CLEC16A: variants seen among roughly 807,000 people sequenced by gnomAD.
CLEC16A encodes the protein C-type lectin domain containing 16A, also known as protein CLEC16A.
CLEC16A carries 51 observed loss-of-function variants against 109.5 expected under a neutral mutation model. That is an observed-to-expected ratio of 0.47 (90% confidence interval 0.37 to 0.59). The LOEUF is 0.59. Ranked by LOEUF, CLEC16A falls within the 20% of genes least tolerant of loss-of-function variation. The pLI is 0.00. For synonymous variants in CLEC16A, 673 were observed against 564.2 expected (o/e 1.19, Z -2.73); for missense variants, 1,339 against 1,394.0 (o/e 0.96, Z 0.63).
chr16:11,106,892 C>G (rs1567326433), intron 19 of CLEC16A, among the ~76,000 whole-genome samples: 2 of 152,196 alleles, frequency 1.3e-5, no homozygotes, highest in Admixed American at 1.3e-4. Context: ...CACTCAACTC[C>G]AGGCACTTGG....
chr16:11,132,217 G>C (rs2053253100), intron 22 of CLEC16A, among the ~76,000 whole-genome samples: 1 of 144,292 alleles, frequency 6.9e-6, no homozygotes, highest in Admixed American at 6.9e-5. Context: ...TAGCCATTAA[G>C]TAGTCATCGC....
chr16:11,052,994 A>G (rs1426873118), intron 18 of CLEC16A, among the ~76,000 whole-genome samples: 1 of 152,094 alleles, frequency 6.6e-6, no homozygotes, highest in Admixed American at 6.5e-5. Context: ...CCTGGGCTCC[A>G]GCCATCCTCC....
At chr16:11,033,463 G>A (rs1488518470) in intron 13 of CLEC16A, among the ~76,000 whole-genome samples, 1 of 152,208 alleles carries the variant, frequency 6.6e-6, no homozygotes, top group Non-Finnish European at 1.5e-5. Flanking sequence ...GCCTGGGGAA[G>A]CTGCCTCGTG....
At chr16:11,155,386 C>T (rs1366783232) in intron 22 of CLEC16A, among the ~76,000 whole-genome samples, 3 of 152,216 alleles carry the variant, frequency 2.0e-5, no homozygotes, top group Non-Finnish European at 2.9e-5. Flanking sequence ...TCCTCACCAC[C>T]GTATCCTGTA....
At chr16:11,103,043 A>G (rs919015368) in intron 19 of CLEC16A, among the ~76,000 whole-genome samples, 3 of 152,230 alleles carry the variant, frequency 2.0e-5, no homozygotes, top group African/African-American at 7.2e-5. Context: ...ACTCAGGGAC[A>G]GACACAGAGG....
chr16:11,165,048 G>A (rs1019214707), intron 22 of CLEC16A, among the ~76,000 whole-genome samples: 60 of 152,096 alleles, frequency 3.9e-4, no homozygotes, highest in African/African-American at 1.1e-3. Flanking sequence ...TATCTCCACC[G>A]CAATTTGGGG....
chr16:11,135,605 G>C (rs1280048336), intron 22 of CLEC16A, among the ~76,000 whole-genome samples: 3 of 152,212 alleles, frequency 2.0e-5, no homozygotes, highest in African/African-American at 7.2e-5. Context: ...GTATGCCCGG[G>C]AGCCTTCTGG....
chr16:10,978,518 T>C (rs2146583210), intron 8 of CLEC16A, among the ~76,000 whole-genome samples: 1 of 152,316 alleles, frequency 6.6e-6, no homozygotes, highest in South Asian at 2.1e-4. Context: ...GTGATACGCC[T>C]GCCTCGGCCT....
intron 22 of CLEC16A, among the ~76,000 whole-genome samples, chr16:11,156,351 CAG>C (rs1158192141): frequency 2.9e-5 from 4 of 137,998 alleles, no homozygotes; most frequent in Non-Finnish European, 4.6e-5. Flanking sequence ...GCCTGGGTGA[CAG>C]AGTGAGACTC....
intron 22 of CLEC16A, among the ~76,000 whole-genome samples, chr16:11,157,512 T>C (rs897188997): frequency 1.3e-5 from 2 of 152,252 alleles, no homozygotes; most frequent in Admixed American, 6.5e-5. Context: ...GGGGTCTCTG[T>C]GCATATACCT....
intron 11 of CLEC16A, among the ~76,000 whole-genome samples, chr16:11,015,974 G>C (rs2045722120): frequency 6.6e-6 from 1 of 151,658 alleles, no homozygotes; most frequent in African/African-American, 2.4e-5. Flanking sequence ...GCTTGCTTGG[G>C]AGTCTTCAGA....
chr16:11,169,502 G>T (rs971747644), intron 23 of CLEC16A, among the ~76,000 whole-genome samples: 1 of 152,122 alleles, frequency 6.6e-6, no homozygotes. Flanking sequence ...GGCCAGGCTG[G>T]TCTTGAACTA....
At chr16:10,979,184 C>G (rs1476760315) in intron 8 of CLEC16A, 145 bp from the exon 9 acceptor site, 7 of 631,184 alleles carry the variant, frequency 1.1e-5, no homozygotes, top group Non-Finnish European at 1.6e-5. Context: ...TGAGTAGCAC[C>G]AAGAAAGGAC....
chr16:10,973,887 CTTTTTTTTTTTTT>C (rs569414844), intron 7 of CLEC16A, among the ~76,000 whole-genome samples: 4 of 46,586 alleles, frequency 8.6e-5, no homozygotes, highest in Admixed American at 2.6e-4. Context: ...GGGCTGCTTG[CTTTTTTTTTTTTT>C]TTTTTTTTTT....
chr16:11,123,995 A>G, intron 21 of CLEC16A, 49 bp downstream of exon 21: 6 of 1,533,358 alleles, frequency 3.9e-6, no homozygotes, highest in Non-Finnish European at 4.4e-6. Flanking sequence ...TTGGTGGGTC[A>G]GGGCTGTTTG....
chr16:11,132,234 A>AG (rs1555498097), intron 22 of CLEC16A, among the ~76,000 whole-genome samples: 1 of 70,558 alleles, frequency 1.4e-5, no homozygotes, highest in African/African-American at 7.0e-5. Context: ...TCGCCCACCC[A>AG]CCCCCCCCGC....
chr16:11,156,929 A>ACCCCCCCC, intron 22 of CLEC16A: 1 of 57,366 alleles, frequency 1.7e-5, no homozygotes, highest in South Asian at 1.2e-4. Context: ...CCCCCCCCCC[A>ACCCCCCCC]CCCACCCCCT....
chr16:10,989,809 C>G (rs1324959012), intron 10 of CLEC16A, among the ~76,000 whole-genome samples: 3 of 152,204 alleles, frequency 2.0e-5, no homozygotes, highest in Admixed American at 6.5e-5. Context: ...CCTTGCTTCT[C>G]TGGGTTGTGT....
Position 11,126,096 on chromosome 16 carries a change from G to C in CLEC16A, c.2591G>C (p.Ser864Thr). Reference sequence around the variant, plus strand: ...TACGACCAGGGGCGCCGGGGCAGCAGCGACCCCACAGTGCAGCGCTCCGTG... The same window carrying C: ...TACGACCAGGGGCGCCGGGGCAGCACCGACCCCACAGTGCAGCGCTCCGTG... ...RFYDQGRRGS[S>T]DPTVQRSVFA... Residue 864 changes from serine to threonine, a missense_variant, in exon 22 of 24, where the codon AGC (serine) becomes ACC (threonine). Ser to Thr is a moderately conservative substitution (Grantham distance 58). Around this residue, in one of 3 missense-constraint regions of CLEC16A, gnomAD observed 1,061 missense variants for 1,006.8 expected, o/e 1.05. Coordinates refer to ENST00000409790, the MANE Select transcript of CLEC16A (RefSeq NM_015226.3). 6.2e-7 allele frequency: 1 copy of C among 1,613,922 alleles called. No individual in the cohort carries two copies. Among genetic ancestry groups the C allele is most frequent in the Non-Finnish European group, 8.5e-7 (1 of 1,179,882 alleles).
Sources: allele counts gnomAD v4.1 joint callset (sites outside exome capture counted in the v4.1 genomes callset), GRCh38; gene constraint gnomAD v4.1.1; regional missense constraint gnomAD v4.1.1; transcripts MANE v1.5; gene names NCBI Gene and HGNC (gene_info 2026-07-23, HGNC 2026-07-21).